Variants in MECR observed in about 807,000 individuals in gnomAD.
MECR encodes enoyl-[acyl-carrier-protein] reductase, mitochondrial.
MECR carries 37 observed loss-of-function variants against 49.1 expected under a neutral mutation model. That is an observed-to-expected ratio of 0.75 (90% CI 0.58 to 0.99). MECR has a LOEUF of 0.99. Among genes scored for constraint, MECR ranks in the 50% least tolerant of loss-of-function variants. MECR has a pLI of 0.00. For missense variants in MECR, 470 were observed against 479.6 expected (o/e 0.98, Z 0.19); for synonymous variants, 198 against 191.1 (o/e 1.04, Z -0.30).
chr1:29,198,767 C>T (rs572210793), intron 7 of MECR, among the ~76,000 whole-genome samples: 2 of 152,304 alleles, frequency 1.3e-5, no homozygotes, highest in South Asian at 2.1e-4. Context: ...CAGGCACCCA[C>T]GACCATGCCT....
At chr1:29,181,803 C>T in the MECR span, 12 of 1,479,730 alleles carry the variant, frequency 8.1e-6, no homozygotes, top group African/African-American at 1.4e-5. Flanking sequence ...CCTTAGGCGG[C>T]GGCGGGCAAA....
chr1:29,228,705 C>G (rs998187795), intron 1 of MECR, among the ~76,000 whole-genome samples: 2 of 152,016 alleles, frequency 1.3e-5, no homozygotes, highest in Admixed American at 6.6e-5. Flanking sequence ...GTGGCATCTG[C>G]AAACAGACCG....
downstream of MECR, among the ~76,000 whole-genome samples, chr1:29,189,627 G>A (rs986797229): frequency 3.3e-5 from 5 of 152,136 alleles, no homozygotes; most frequent in Non-Finnish European, 5.9e-5. Context: ...CTGAAATGTC[G>A]GCAACCCCTG....
At position 29,216,056 on chromosome 1, in the gene MECR, C is replaced by T. The variant is rs1213570020; in HGVS notation, c.355G>A (p.Val119Met). The T allele has an allele frequency of 6.2e-7, 1 of 1,614,156 alleles. No homozygotes were observed. The highest frequency in any genetic ancestry group is 1.1e-5 in the South Asian group (1 of 91,080). ...CAGTCTCCTGGCTTCAGCCCGGTCA[C>T]ATTGCTGCCCACCGCTACCACCTGT... ...VAQVVAVGSNVTGLKPGDWVI... is the reference protein window; with the variant it reads ...VAQVVAVGSNMTGLKPGDWVI... The change falls in exon 3 of 10, where the codon GTG (valine) becomes ATG (methionine). Residue 119 changes from valine (V) to methionine (M), a missense_variant. By Grantham distance (21) the Val-to-Met change is conservative. Transcript: ENST00000263702.
chr1:29,203,040 G>A (rs1675701489), intron 5 of MECR, 91 bp downstream of exon 5: 2 of 1,021,926 alleles, frequency 2.0e-6, no homozygotes, highest in East Asian at 2.7e-5. Flanking sequence ...TTATGCAAGG[G>A]CGCCCTCTGG....
chr1:29,177,893 A>T, the MECR span, among the ~76,000 whole-genome samples: 6 of 93,610 alleles, frequency 6.4e-5, no homozygotes, highest in Admixed American at 2.4e-4. Context: ...ATTACACAAG[A>T]TTTTTTTTTT....
the MECR span, among the ~76,000 whole-genome samples, chr1:29,181,362 C>A: frequency 6.6e-6 from 1 of 152,248 alleles, no homozygotes; most frequent in Non-Finnish European, 1.5e-5. Context: ...CGCCCTGGAG[C>A]TGTGCCCCCC....
At chr1:29,174,521 G>A in the MECR span, among the ~76,000 whole-genome samples, 6 of 152,030 alleles carry the variant, frequency 3.9e-5, no homozygotes, top group East Asian at 3.8e-4. Context: ...TAGAAACCAG[G>A]TTGTAGGAGA....
chr1:29,196,153 T>A (rs1201006843), intron 8 of MECR, 45 bp downstream of exon 8: 1 of 1,610,786 alleles, frequency 6.2e-7, no homozygotes, highest in Admixed American at 1.7e-5. Context: ...CTGGCTGAGG[T>A]GTCTGGCCCG....
chr1:29,191,070 T>C (rs1221138254), downstream of MECR, among the ~76,000 whole-genome samples: 1 of 152,134 alleles, frequency 6.6e-6, no homozygotes, highest in African/African-American at 2.4e-5. Flanking sequence ...CTGAATAAAT[T>C]ATAATCATCC....
rs920491450 is a variant in MECR at position 29,207,780 on chromosome 1, T to C, written c.407-875A>G. 4.9e-4 allele frequency among the ~76,000 whole-genome samples: 74 copies of C among 152,070 alleles called. 1 individual carries two copies. Among genetic ancestry groups the C allele is most frequent in the African/African-American group, 1.4e-3 (58 of 41,512 alleles). On this transcript the variant is annotated intron_variant, in intron 3 of 9. Coordinates refer to ENST00000263702, the MANE Select transcript of MECR (RefSeq NM_016011.5). Reference sequence around the variant, plus strand: ...ACAAAAAACAAACCAAAACAAAATATGCCAAATACCATTGTAAGGGCGATT... The same window carrying C: ...ACAAAAAACAAACCAAAACAAAATACGCCAAATACCATTGTAAGGGCGATT...
chr1:29,216,718 CATCCAGGCTAGA>C, intron 1 of MECR, 33 bp from the exon 2 acceptor site: 1 of 1,614,108 alleles, frequency 6.2e-7, no homozygotes, highest in Non-Finnish European at 8.5e-7. Context: ...ATGTTCATGT[CATCCAGGCTAGA>C]ATGGGTGTTT....
intron 1 of MECR, among the ~76,000 whole-genome samples, chr1:29,229,234 G>A (rs912259015): frequency 1.4e-5 from 2 of 147,702 alleles, no homozygotes; most frequent in Non-Finnish European, 3.0e-5. Context: ...ACAGAGTCTC[G>A]CTCTGTTGCC....
chr1:29,167,728 C>CTTCTCTT, the MECR span, among the ~76,000 whole-genome samples: 1 of 152,134 alleles, frequency 6.6e-6, no homozygotes, highest in Non-Finnish European at 1.5e-5. Flanking sequence ...TTGTGCTTAC[C>CTTCTCTT]TTCTCTTTTG....
the MECR span, among the ~76,000 whole-genome samples, chr1:29,176,906 T>G: frequency 3.3e-5 from 5 of 152,108 alleles, no homozygotes; most frequent in Admixed American, 1.3e-4. Flanking sequence ...CCCTTGAGAG[T>G]TTTAATTCAT....
Position 29,195,867 on chromosome 1 carries a change from T to A in MECR, c.964+74A>T, listed in dbSNP as rs965977678. On this transcript the variant is annotated intron_variant, in intron 9 of 9. Transcript: ENST00000263702. Reference sequence around the variant, plus strand: ...CCAATCACCCCTCCAGGGCTCAGAATAGCTGGTCATTTCTGCTGCCATTTT... The same window carrying A: ...CCAATCACCCCTCCAGGGCTCAGAAAAGCTGGTCATTTCTGCTGCCATTTT... 5.4e-6 allele frequency: 8 copies of A among 1,474,704 alleles called. No homozygotes were observed. In the Middle Eastern group the frequency reaches 5.3e-4, roughly 97 times the overall value. The allele number at this position is 1,474,704 out of a possible 1,614,324, so 91.4% of individuals were successfully genotyped here.
downstream of MECR, among the ~76,000 whole-genome samples, chr1:29,191,961 A>G (rs1396676745): frequency 6.6e-6 from 1 of 152,030 alleles, no homozygotes. Context: ...GTGTGGTGGC[A>G]TACACCTGTA....
intron 1 of MECR, among the ~76,000 whole-genome samples, chr1:29,219,116 T>C (rs1680163579): frequency 6.6e-6 from 1 of 152,072 alleles, no homozygotes; most frequent in Admixed American, 6.6e-5. Flanking sequence ...TATGGGGAGA[T>C]GGAGGGAGCG....
chr1:29,230,687 C>A, intron 1 of MECR, 44 bp downstream of exon 1: 1 of 1,546,424 alleles, frequency 6.5e-7, no homozygotes, highest in East Asian at 2.4e-5. Flanking sequence ...TAAAGCCTTC[C>A]AGAAACCCCA....
Sources: allele counts gnomAD v4.1 joint callset (sites outside exome capture counted in the v4.1 genomes callset), GRCh38; gene constraint gnomAD v4.1.1; transcripts MANE v1.5; gene names NCBI Gene and HGNC (gene_info 2026-07-23, HGNC 2026-07-21).